Variants in NFKBIB observed in about 807,000 individuals in gnomAD.
The protein encoded by NFKBIB is NF-kappa-B inhibitor beta.
NFKBIB carries 16 observed loss-of-function variants against 32.1 expected under a neutral mutation model. The observed-to-expected ratio is 0.50, with a 90% CI of 0.34 to 0.76. NFKBIB has a LOEUF of 0.76. Ranked by LOEUF, NFKBIB falls within the 30% of genes least tolerant of loss-of-function variation. The pLI, the probability that NFKBIB is intolerant of heterozygous loss-of-function variation, is 0.01. For missense variants in NFKBIB, 437 were observed against 514.9 expected (o/e 0.85, Z 1.46); for synonymous variants, 222 against 219.5 (o/e 1.01, Z -0.10).
At position 38,905,573 on chromosome 19, in the gene NFKBIB, C is replaced by G; in HGVS notation, c.619+38C>G. The G allele has an allele frequency of 6.6e-7, 1 of 1,517,480 alleles. No individual in the cohort carries two copies. Among genetic ancestry groups the G allele is most frequent in the Non-Finnish European group, 8.9e-7 (1 of 1,118,532 alleles). The allele number at this position is 1,517,480 out of a possible 1,614,324, so 94.0% of individuals were successfully genotyped here. A position where few individuals can be genotyped will look rare whatever the true frequency, so the allele number is the denominator to read the frequency against. ...ACCAGGGAAGGACTCAGCTCCTGGG[C>G]TAGGCGAGAGCACCTGGCCCTGGGC... On this transcript the variant is annotated intron_variant, in intron 3 of 5. Transcript: ENST00000313582. This position sits in a 1 kb window ranked among gnomAD's most constrained non-coding sequence, Gnocchi z 5.5.
chr19:38,906,284 CAG>C (rs1263261981), intron 3 of NFKBIB, among the ~76,000 whole-genome samples: 1 of 149,656 alleles, frequency 6.7e-6, no homozygotes, highest in African/African-American at 2.5e-5. Flanking sequence ...ACAGGGATTA[CAG>C]GCACATGCTA....
intron 1 of NFKBIB, among the ~76,000 whole-genome samples, chr19:38,902,098 T>TTTTTTTTTTTTTTA (rs56689256): frequency 1.4e-5 from 2 of 141,214 alleles, no homozygotes; most frequent in Non-Finnish European, 3.1e-5. Flanking sequence ...TTTTTTTTTT[T>TTTTTTTTTTTTTTA]GAGATGGAGT....
intron 3 of NFKBIB, among the ~76,000 whole-genome samples, chr19:38,906,896 C>T (rs1974142263): frequency 1.3e-5 from 2 of 152,152 alleles, no homozygotes; most frequent in South Asian, 4.1e-4. Context: ...AAATAGCGTG[C>T]CAGCTCAGGT....
rs1431857511 is a variant in NFKBIB, at chr19:38,907,584, C to T, written c.894C>T (p.Ala298=). 6.2e-7 allele frequency: 1 copy of T among 1,612,482 alleles called. No individual in the cohort carries two copies. The highest frequency in any genetic ancestry group is 2.2e-5 in the East Asian group (1 of 44,878). The change falls in exon 5 of 6, where the codon GCC becomes GCT. Residue 298 remains alanine, a synonymous_variant. Transcript: ENST00000313582. ...CCCGCCTCCTCCGTGCACACGGAGC[C>T]CCTGAGCCCGAGGGCGAGGACGAGA... The part of the protein sequence containing the change: ...ILARLLRAHG[A]PEPEGEDEKS...
rs376598520 is a variant in NFKBIB, at chr19:38,908,685, A to G, written c.970-46A>G. ...CTATGAGGACATGGGTGGTGGGCAA[A>G]GTGACAGCCGCCTGAGCCCCTCTGC... is the stretch of plus-strand genomic sequence containing the variant. On this transcript the variant is annotated intron_variant, in intron 5 of 5. Coordinates refer to ENST00000313582, the MANE Select transcript of NFKBIB (RefSeq NM_002503.5). 66 of 1,577,802 alleles carry G rather than the reference A, an allele frequency of 4.2e-5. No individual in the cohort carries two copies. The Middle Eastern group carries it at 8.3e-4, about 20-fold the overall frequency.
chr19:38,907,349 G>A, intron 4 of NFKBIB, 40 bp downstream of exon 4: 1 of 1,602,762 alleles, frequency 6.2e-7, no homozygotes, highest in Non-Finnish European at 8.5e-7. Context: ...CGGCGGGAGG[G>A]GGCTTGTCCC....
intron 5 of NFKBIB, chr19:38,908,308 A>C: frequency 1.0e-6 from 1 of 973,032 alleles, no homozygotes. Flanking sequence ...TGGGAGGCCG[A>C]GGCAGGCAGA....
Position 38,907,436 on chromosome 19 carries a change from T to C in NFKBIB, c.746T>C (p.Val249Ala), listed in dbSNP as rs758662538. 6.2e-7 allele frequency: 1 copy of C among 1,601,298 alleles called. No individual in the cohort carries two copies. The highest frequency in any genetic ancestry group is 1.1e-5 in the South Asian group (1 of 90,674). Reference sequence around the variant, plus strand: ...GGCCGGAGCCCCCTTCATTTGGCAGTGGAGGCCCAGGCAGCCGATGTGCTG... The same window carrying C: ...GGCCGGAGCCCCCTTCATTTGGCAGCGGAGGCCCAGGCAGCCGATGTGCTG... ...TCGRSPLHLA[V>A]EAQAADVLEL... The change falls in exon 5 of 6, where the codon GTG becomes GCG. Residue 249 changes from valine to alanine, a missense_variant. Transcript: ENST00000313582.
rs758170872 is a variant in NFKBIB, at chr19:38,907,614, C to T, written c.924C>T (p.Ser308=). Residue 308 remains serine (S), a synonymous_variant, in exon 5 of 6, where the codon TCC becomes TCT. Transcript: ENST00000313582. ...AGCCCGAGGGCGAGGACGAGAAATC[C>T]GGCCCCTGCAGCAGCAGTAGCGACA... ...APEPEGEDEK[S]GPCSSSSDSD... 36 of 1,611,090 alleles carry T rather than the reference C, an allele frequency of 2.2e-5. No individual in the cohort carries two copies. Among genetic ancestry groups the T allele is most frequent in the African/African-American group, 1.5e-4 (11 of 74,906 alleles).
intron 1 of NFKBIB, among the ~76,000 whole-genome samples, chr19:38,904,097 A>G (rs1600144751): frequency 4.2e-5 from 1 of 23,644 alleles, no homozygotes; most frequent in Non-Finnish European, 9.6e-5. Context: ...ATAAATAAAT[A>G]AATAAATAAA....
chr19:38,903,716 T>G (rs919416078), intron 1 of NFKBIB, among the ~76,000 whole-genome samples: 4 of 152,206 alleles, frequency 2.6e-5, no homozygotes, highest in Non-Finnish European at 5.9e-5. Context: ...TGATAATCTT[T>G]GGTTAGGTGC....
At chr19:38,901,083 A>T (rs1036260476) in intron 1 of NFKBIB, among the ~76,000 whole-genome samples, 12 of 152,216 alleles carry the variant, frequency 7.9e-5, no homozygotes, top group Non-Finnish European at 1.6e-4. Flanking sequence ...AAGGAGAAGG[A>T]ACTGCAGTTG....
At position 38,907,598 on chromosome 19, in the gene NFKBIB, G is replaced by A. The variant is rs1438926344; in HGVS notation, c.908G>A (p.Gly303Asp). The change falls in exon 5 of 6, where the codon GGC becomes GAC. Residue 303 changes from glycine (G) to aspartate (D), a missense_variant. By Grantham distance (94) the Gly-to-Asp change is moderately conservative. Coordinates refer to ENST00000313582, the MANE Select transcript of NFKBIB (RefSeq NM_002503.5). ...LRAHGAPEPE[G>D]EDEKSGPCSS... ...GCACACGGAGCCCCTGAGCCCGAGG[G>A]CGAGGACGAGAAATCCGGCCCCTGC... The A allele has an allele frequency of 1.9e-6, 3 of 1,611,968 alleles. No individual in the cohort carries two copies. In the South Asian group the frequency reaches 3.3e-5, roughly 18 times the overall value.
At chr19:38,900,304 T>G (rs1973906750) in intron 1 of NFKBIB, 93 bp downstream of exon 1, 1 of 1,335,766 alleles carries the variant, frequency 7.5e-7, no homozygotes, top group Non-Finnish European at 9.9e-7. Context: ...AACCTCATAC[T>G]CCTAAATCTG....
upstream of NFKBIB, chr19:38,899,720 A>C (rs1438210921): frequency 1.2e-6 from 1 of 803,536 alleles, no homozygotes; most frequent in African/African-American, 1.7e-5. Context: ...TTCGTACAAC[A>C]CCCAGAGCGC....
In NFKBIB at chr19:38,907,489, C is replaced by T. The variant is rs1230806415; in HGVS notation, c.799C>T (p.Pro267Ser). 3 of 1,612,342 alleles carry T rather than the reference C, an allele frequency of 1.9e-6. No individual in the cohort carries two copies. The East Asian group carries it at 6.7e-5, about 36-fold the overall frequency. Residue 267 changes from proline to serine, a missense_variant, in exon 5 of 6, where the codon CCT becomes TCT. Coordinates refer to ENST00000313582, the MANE Select transcript of NFKBIB (RefSeq NM_002503.5). ...LELLLRAGANPAARMYGGRTP... is the reference protein window; with the variant it reads ...LELLLRAGANSAARMYGGRTP... Reference sequence around the variant, plus strand: ...GCTTCTCCTGAGGGCAGGCGCGAACCCTGCTGCCCGCATGTACGGTGGCCG... The same window carrying T: ...GCTTCTCCTGAGGGCAGGCGCGAACTCTGCTGCCCGCATGTACGGTGGCCG...
chr19:38,903,856 G>A (rs1301709442), intron 1 of NFKBIB, among the ~76,000 whole-genome samples: 3 of 152,018 alleles, frequency 2.0e-5, no homozygotes, highest in African/African-American at 7.2e-5. Flanking sequence ...GGATCACGAG[G>A]TCAGGAGTTC....
At chr19:38,906,659 T>TG (rs1178848353) in intron 3 of NFKBIB, among the ~76,000 whole-genome samples, 5 of 151,254 alleles carry the variant, frequency 3.3e-5, no homozygotes, top group Admixed American at 2.0e-4. Flanking sequence ...TTAGTAGAGA[T>TG]GGGGTTTCAC....
Position 38,899,997 on chromosome 19 carries a change from G to T in NFKBIB, c.-36G>T, listed in dbSNP as rs1182980449. ...CTCCCGGCAAAGCCCAGCTACAGGC[G>T]GGCGACTGCGGGGGGCCCCTGAGGC... On this transcript the variant is annotated 5_prime_UTR_variant, in exon 1 of 6. Transcript: ENST00000313582. The T allele has an allele frequency of 4.2e-6, 6 of 1,442,060 alleles. No individual in the cohort carries two copies. 89.3% of individuals were successfully genotyped at this position (1,442,060 alleles called of 1,614,324 possible).
Sources: gnomAD v4.1 joint callset for allele counts (sites outside exome capture counted in the v4.1 genomes callset) on GRCh38, gnomAD v4.1.1 for gene constraint, Gnocchi (gnomAD v3.1) non-coding constraint, MANE v1.5 for transcripts, NCBI Gene and HGNC (gene_info 2026-07-23, HGNC 2026-07-21) for gene names.